PAG1: variants seen among roughly 807,000 people sequenced by gnomAD.
PAG1 encodes phosphoprotein membrane anchor with glycosphingolipid microdomains 1.
PAG1 carries 23 observed loss-of-function variants against 31.7 expected under a neutral mutation model. That is an observed-to-expected ratio of 0.73 (90% CI 0.52 to 1.03). The LOEUF is 1.03. Ranked by LOEUF, PAG1 falls within the 50% of genes least tolerant of loss-of-function variation. PAG1 has a pLI of 0.00. For synonymous variants in PAG1, 214 were observed against 210.3 expected (o/e 1.02, Z -0.15); for missense variants, 473 against 540.7 (o/e 0.87, Z 1.24).
intron 2 of PAG1, among the ~76,000 whole-genome samples, chr8:81,059,804 TCAGTAGTTCGAGAC>T (rs1321381800): frequency 2.6e-5 from 4 of 152,018 alleles, no homozygotes; most frequent in Non-Finnish European, 4.4e-5. Flanking sequence ...TTACTTAAGG[TCAGTAGTTCGAGAC>T]CAGCCTGGCC....
chr8:81,096,807 A>G (rs2131090757), intron 1 of PAG1, among the ~76,000 whole-genome samples: 1 of 152,320 alleles, frequency 6.6e-6, no homozygotes, highest in African/African-American at 2.4e-5. Context: ...TGAGATAAGT[A>G]AAGGCCTTGC....
intron 3 of PAG1, among the ~76,000 whole-genome samples, chr8:81,022,056 C>T (rs1035282721): frequency 1.3e-5 from 2 of 152,230 alleles, no homozygotes; most frequent in Non-Finnish European, 2.9e-5. Flanking sequence ...TAGATCACAA[C>T]AGTGAATGTT....
At chr8:81,096,223 AGT>A (rs1809525842) in intron 1 of PAG1, among the ~76,000 whole-genome samples, 1 of 152,190 alleles carries the variant, frequency 6.6e-6, no homozygotes, top group Non-Finnish European at 1.5e-5. Flanking sequence ...TCATGTTGTA[AGT>A]GTTCTCAGCT....
Position 80,976,455 on chromosome 8 carries a change from A to G in PAG1, c.*89T>C, listed in dbSNP as rs1390664818. The G allele has an allele frequency of 1.2e-5, 16 of 1,294,812 alleles. No homozygotes were observed. Among genetic ancestry groups the G allele is most frequent in the Non-Finnish European group, 1.4e-5 (13 of 934,490 alleles). 80.2% of individuals were successfully genotyped at this position (1,294,812 alleles called of 1,614,324 possible). ...CTTCAGGTGACTAAAGCAGCATATG[A>G]AGTATAGGTTTGTGTCACTTCTTCT... On this transcript the variant is annotated 3_prime_UTR_variant, in exon 9 of 9. Coordinates refer to ENST00000220597, the MANE Select transcript of PAG1 (RefSeq NM_018440.4).
chr8:81,051,144 C>T (rs1241124741), intron 2 of PAG1, among the ~76,000 whole-genome samples: 3 of 152,184 alleles, frequency 2.0e-5, no homozygotes, highest in Non-Finnish European at 4.4e-5. Flanking sequence ...GGCTGGATGA[C>T]GTGATGCCAG....
At chr8:81,059,485 T>C (rs1308134932) in intron 2 of PAG1, among the ~76,000 whole-genome samples, 3 of 152,164 alleles carry the variant, frequency 2.0e-5, no homozygotes, top group Non-Finnish European at 4.4e-5. Context: ...ACATACCTCC[T>C]GCTTGGAAGA....
chr8:80,998,711 T>C (rs2130566979), intron 3 of PAG1, among the ~76,000 whole-genome samples: 1 of 152,274 alleles, frequency 6.6e-6, no homozygotes, highest in African/African-American at 2.4e-5. Context: ...CTATAAATAA[T>C]AATTTGGTAG....
chr8:80,998,632 C>T (rs886895744), intron 3 of PAG1, among the ~76,000 whole-genome samples: 4 of 151,444 alleles, frequency 2.6e-5, no homozygotes, highest in African/African-American at 9.7e-5. Flanking sequence ...AAGGTGCAGA[C>T]CAAATGGCAG....
At chr8:81,091,682 C>CAAAA (rs1809448450) in intron 1 of PAG1, among the ~76,000 whole-genome samples, 1 of 152,054 alleles carries the variant, frequency 6.6e-6, no homozygotes, top group African/African-American at 2.4e-5. Context: ...GTATGTGGTA[C>CAAAA]ATGATTACAT....
chr8:81,093,456 T>C (rs1809479159), intron 1 of PAG1, among the ~76,000 whole-genome samples: 1 of 152,164 alleles, frequency 6.6e-6, no homozygotes, highest in Admixed American at 6.5e-5. Flanking sequence ...ATCACAAAGC[T>C]AAAGCCTCTC....
intron 2 of PAG1, among the ~76,000 whole-genome samples, chr8:81,036,112 T>C (rs968658354): frequency 5.3e-5 from 8 of 152,218 alleles, no homozygotes; most frequent in Non-Finnish European, 1.0e-4. Flanking sequence ...CTGTGTTAAA[T>C]GTCAAGATGG....
chr8:81,103,792 C>A (rs922416262), intron 1 of PAG1, among the ~76,000 whole-genome samples: 1 of 152,118 alleles, frequency 6.6e-6, no homozygotes, highest in African/African-American at 2.4e-5. Flanking sequence ...AATAATGGAT[C>A]ATTTATCACC....
intron 2 of PAG1, among the ~76,000 whole-genome samples, chr8:81,038,662 T>C (rs1453810475): frequency 4.6e-5 from 7 of 152,156 alleles, no homozygotes; most frequent in Non-Finnish European, 1.0e-4. Flanking sequence ...TATATATGTA[T>C]GTGTGTGTGT....
chr8:81,051,869 A>G (rs934982949), intron 2 of PAG1, among the ~76,000 whole-genome samples: 1 of 152,084 alleles, frequency 6.6e-6, no homozygotes, highest in East Asian at 1.9e-4. Context: ...GGTGGCTCAC[A>G]CCTGTAATCC....
intron 1 of PAG1, among the ~76,000 whole-genome samples, chr8:81,085,844 G>C (rs1205871586): frequency 6.6e-6 from 1 of 152,034 alleles, no homozygotes; most frequent in Non-Finnish European, 1.5e-5. Context: ...TACACTGTCA[G>C]TATTTGAAGT....
At chr8:81,084,074 C>T (rs1412682462) in intron 1 of PAG1, among the ~76,000 whole-genome samples, 3 of 151,686 alleles carry the variant, frequency 2.0e-5, no homozygotes, top group Non-Finnish European at 2.9e-5. Context: ...CTGGGAAATA[C>T]GACTCAAAAA....
chr8:80,992,584 C>T (rs1807574534), intron 4 of PAG1, among the ~76,000 whole-genome samples: 1 of 152,136 alleles, frequency 6.6e-6, no homozygotes, highest in Non-Finnish European at 1.5e-5. Flanking sequence ...AGAAGTATAA[C>T]TCTAAAAAAA....
At chr8:81,073,426 C>T (rs1351189303) in intron 1 of PAG1, among the ~76,000 whole-genome samples, 1 of 152,156 alleles carries the variant, frequency 6.6e-6, no homozygotes, top group African/African-American at 2.4e-5. Context: ...CTCCTGATCC[C>T]CAAAGGGCCT....
intron 1 of PAG1, among the ~76,000 whole-genome samples, chr8:81,078,691 A>G (rs1809216248): frequency 1.3e-5 from 2 of 152,166 alleles, no homozygotes; most frequent in Non-Finnish European, 2.9e-5. Flanking sequence ...CACTGTAGGT[A>G]CCGAATAAAA....
Sources: allele counts gnomAD v4.1 joint callset (sites outside exome capture counted in the v4.1 genomes callset), GRCh38; gene constraint gnomAD v4.1.1; transcripts MANE v1.5; gene names NCBI Gene and HGNC (gene_info 2026-07-23, HGNC 2026-07-21).